Variants in MYCBP2 observed in about 807,000 individuals in gnomAD.
The protein encoded by MYCBP2 is E3 ubiquitin-protein ligase MYCBP2.
A neutral mutation model predicts 525.3 loss-of-function variants in MYCBP2; 120 were observed. The ratio of observed to expected loss-of-function variants is 0.23; its 90% CI spans 0.20 to 0.27. The LOEUF is 0.27. MYCBP2 is among the 10% of genes least tolerant of loss of function. MYCBP2 has a pLI of 1.00. For missense variants in MYCBP2, 4,149 were observed against 5,657.1 expected (o/e 0.73, Z 8.55); for synonymous variants, 1,894 against 1,955.8 (o/e 0.97, Z 0.83).
intron 71 of MYCBP2, among the ~76,000 whole-genome samples, chr13:77,066,976 T>A (rs910988243): frequency 2.6e-5 from 4 of 152,204 alleles, no homozygotes; most frequent in Non-Finnish European, 4.4e-5. Context: ...TATATTATGC[T>A]AACAAGTCAT....
chr13:77,136,806 A>G (rs1358670720), intron 52 of MYCBP2, among the ~76,000 whole-genome samples: 1 of 152,140 alleles, frequency 6.6e-6, no homozygotes, highest in East Asian at 1.9e-4. Flanking sequence ...CCTCTAAAAC[A>G]TAACTACTGC....
At chr13:77,273,321 T>G in intron 5 of MYCBP2, 151 bp downstream of exon 5, 1 of 552,216 alleles carries the variant, frequency 1.8e-6, no homozygotes, top group Non-Finnish European at 2.9e-6. Flanking sequence ...TATCACTTAA[T>G]TGAAATACTG....
chr13:77,121,817 C>A (rs1208114628), intron 54 of MYCBP2, among the ~76,000 whole-genome samples: 2 of 151,920 alleles, frequency 1.3e-5, no homozygotes, highest in Non-Finnish European at 2.9e-5. Context: ...GTATTTGCAA[C>A]AAATTTATAC....
chr13:77,126,252 G>C, intron 53 of MYCBP2, 66 bp downstream of exon 53: 1 of 1,377,892 alleles, frequency 7.3e-7, no homozygotes, highest in Non-Finnish European at 1.0e-6. Flanking sequence ...CTTTAGAAGA[G>C]ATGCTTTGGT....
At chr13:77,232,140 G>C (rs2067216349) in intron 18 of MYCBP2, among the ~76,000 whole-genome samples, 1 of 151,924 alleles carries the variant, frequency 6.6e-6, no homozygotes, top group Admixed American at 6.6e-5. Flanking sequence ...GACTGAAAGA[G>C]GCAAATAAAA....
At chr13:77,233,361 T>A in intron 17 of MYCBP2, 98 bp from the exon 18 acceptor site, 1 of 983,246 alleles carries the variant, frequency 1.0e-6, no homozygotes. Flanking sequence ...TAAAAATTTA[T>A]TCTTAACGGT....
In MYCBP2 at chr13:77,169,718, A is replaced by AT; in HGVS notation, c.5795-5_5795-4insA. On this transcript the variant is annotated splice_region_variant and splice_polypyrimidine_tract_variant and intron_variant, in intron 38 of 82. Transcript: ENST00000544440. ...AGCAGTTCTGGAATGTCATCAGCTA[A>AT]AAAAAGGCATAAAAGGCATTAAAAC... 3 of 1,611,790 alleles carry AT rather than the reference A, an allele frequency of 1.9e-6. No homozygotes were observed. Among genetic ancestry groups the AT allele is most frequent in the Non-Finnish European group, 2.5e-6 (3 of 1,178,152 alleles).
rs2046559398 is a variant in MYCBP2, at chr13:77,098,448, T to G, written c.8706A>C (p.Lys2902Asn). ...LRGRSTSPKP[K>N]SVPKDSTDSP... The stretch of plus-strand genomic sequence containing the variant: ...AATCTGTAGAATCCTTTGGTACTGA[T>G]TTTGGTTTTGGTGACGTTGACCGTC... The change falls in exon 56 of 83, where the codon AAA (lysine) becomes AAC (asparagine). Residue 2902 changes from lysine (K) to asparagine (N), a missense_variant. Around this residue, in one of 21 missense-constraint regions of MYCBP2, gnomAD observed 653 missense variants for 744.7 expected, o/e 0.88. Coordinates refer to ENST00000544440, the MANE Select transcript of MYCBP2 (RefSeq NM_015057.5). The G allele has an allele frequency of 6.2e-7, 1 of 1,613,468 alleles. No individual in the cohort carries two copies. Among genetic ancestry groups the G allele is most frequent in the South Asian group, 1.1e-5 (1 of 91,072 alleles).
chr13:77,095,079 C>T (rs1031246592), intron 58 of MYCBP2, among the ~76,000 whole-genome samples: 1 of 152,070 alleles, frequency 6.6e-6, no homozygotes, highest in Admixed American at 6.6e-5. Context: ...GTGAAGTCAG[C>T]CTACCAAAGA....
At chr13:77,226,521 A>G (rs1489502443) in intron 18 of MYCBP2, among the ~76,000 whole-genome samples, 1 of 152,206 alleles carries the variant, frequency 6.6e-6, no homozygotes, top group African/African-American at 2.4e-5. Flanking sequence ...CACAAGTTCA[A>G]CTAGTCTAAA....
At position 77,191,830 on chromosome 13, in the gene MYCBP2, GAGTCAAAA is replaced by G. The variant is rs1566873442; in HGVS notation, c.3936-25_3936-18del. 9 of 1,611,090 alleles carry G rather than the reference GAGTCAAAA, an allele frequency of 5.6e-6. No homozygotes were observed. Among genetic ancestry groups the G allele is most frequent in the Non-Finnish European group, 7.6e-6 (9 of 1,178,488 alleles). On this transcript the variant is annotated intron_variant, in intron 27 of 82. Coordinates refer to ENST00000544440, the MANE Select transcript of MYCBP2 (RefSeq NM_015057.5). The stretch of plus-strand genomic sequence containing the variant: ...TATTTTTCTCTGAGAAAAAATTAGT[GAGTCAAAA>G]ACAATATTTTCTTACTTCTCTGTCA...
intron 33 of MYCBP2, 92 bp downstream of exon 33, chr13:77,181,609 A>T: frequency 1.1e-6 from 1 of 891,908 alleles, no homozygotes; most frequent in Non-Finnish European, 1.7e-6. Context: ...TGGTGTGTTT[A>T]TAGTTTTATT....
chr13:77,132,110 C>T (rs561855627), intron 52 of MYCBP2, among the ~76,000 whole-genome samples: 18 of 152,104 alleles, frequency 1.2e-4, no homozygotes, highest in African/African-American at 4.1e-4. Context: ...AACTTTAACA[C>T]TAAGCTAAAG....
chr13:77,263,017 G>C (rs985365484), intron 10 of MYCBP2, among the ~76,000 whole-genome samples: 1 of 151,948 alleles, frequency 6.6e-6, no homozygotes, highest in Non-Finnish European at 1.5e-5. Context: ...TAAACCTGGA[G>C]TGGCATGGCA....
intron 27 of MYCBP2, 141 bp from the exon 28 acceptor site, chr13:77,191,954 T>G: frequency 2.5e-6 from 2 of 789,618 alleles, no homozygotes; most frequent in Non-Finnish European, 4.0e-6. Context: ...AAAAACACTC[T>G]AAGAAGTCTG....
intron 4 of MYCBP2, among the ~76,000 whole-genome samples, chr13:77,274,148 G>A (rs924185590): frequency 3.3e-5 from 5 of 152,182 alleles, no homozygotes; most frequent in Non-Finnish European, 7.3e-5. Context: ...CACTTAGGAT[G>A]TAATTCATTT....
chr13:77,116,879 T>A (rs1566590694), intron 55 of MYCBP2, among the ~76,000 whole-genome samples: 1 of 152,074 alleles, frequency 6.6e-6, no homozygotes, highest in Non-Finnish European at 1.5e-5. Context: ...TGTAAAGACT[T>A]GCAATGATTC....
chr13:77,301,298 C>T (rs2078767236), intron 1 of MYCBP2, among the ~76,000 whole-genome samples: 1 of 151,818 alleles, frequency 6.6e-6, no homozygotes, highest in Non-Finnish European at 1.5e-5. Flanking sequence ...CGCCTGCAAT[C>T]CCAGCAACTA....
At chr13:77,321,891 T>C (rs1363623865) in intron 1 of MYCBP2, among the ~76,000 whole-genome samples, 1 of 152,224 alleles carries the variant, frequency 6.6e-6, no homozygotes, top group East Asian at 1.9e-4. Context: ...CTGAGCATGG[T>C]GGCTCACACC....
Sources: allele counts gnomAD v4.1 joint callset (sites outside exome capture counted in the v4.1 genomes callset), GRCh38; gene constraint gnomAD v4.1.1; regional missense constraint gnomAD v4.1.1; transcripts MANE v1.5; gene names NCBI Gene and HGNC (gene_info 2026-07-23, HGNC 2026-07-21).